Variants in TRPM3 observed in about 807,000 individuals in gnomAD.
The protein encoded by TRPM3 is transient receptor potential cation channel subfamily M member 3.
Under a neutral mutation model 181.2 loss-of-function variants are expected in TRPM3, and 77 were observed. That is an observed-to-expected ratio of 0.42 (90% CI 0.35 to 0.51). TRPM3 has a LOEUF of 0.51. Among genes scored for constraint, TRPM3 ranks in the 20% least tolerant of loss-of-function variants. TRPM3 has a pLI of 0.01. For synonymous variants in TRPM3, 745 were observed against 796.4 expected, an observed-to-expected ratio of 0.94 and a Z score of 1.09; for missense variants, 1,759 against 2,196.7, an observed-to-expected ratio of 0.80 and a Z score of 3.98.
chr9:70,775,829 A>AT (rs2081257322), intron 7 of TRPM3: 1 of 152,020 alleles, frequency 6.6e-6, no homozygotes, highest in African/African-American at 2.4e-5. Flanking sequence ...TAAAAAATGC[A>AT]TATCTAATTG....
At chr9:70,902,424 G>C (rs368528518) in intron 1 of TRPM3, among the ~76,000 whole-genome samples, 3 of 152,180 alleles carry the variant, frequency 2.0e-5, no homozygotes, top group Non-Finnish European at 2.9e-5. Flanking sequence ...AACTGCTTAA[G>C]ATTTATCTTA....
intron 22 of TRPM3, among the ~76,000 whole-genome samples, chr9:70,561,863 A>G (rs1354594261): frequency 6.6e-6 from 1 of 152,212 alleles, no homozygotes; most frequent in African/African-American, 2.4e-5. Context: ...ATAGTAAGGG[A>G]TGACACTGTC....
At chr9:71,036,573 A>G (rs1455293517) in intron 1 of TRPM3, among the ~76,000 whole-genome samples, 2 of 152,324 alleles carry the variant, frequency 1.3e-5, no homozygotes, top group East Asian at 1.9e-4. Context: ...TTCATTACCC[A>G]TTTGTTGGCA....
chr9:71,006,796 G>A lies in TRPM3; in HGVS notation c.177+114382C>T, dbSNP rs568220020. Reference sequence around the variant, plus strand: ...TGAGGCAGGAGAATGGCGTGAACCCGGGAGGCGGAGCTTGCAGTGAGCCGA... The same window carrying A: ...TGAGGCAGGAGAATGGCGTGAACCCAGGAGGCGGAGCTTGCAGTGAGCCGA... On this transcript the variant is annotated intron_variant, in intron 1 of 25. Transcript: ENST00000677713. Among the ~76,000 whole-genome samples the A allele has an allele frequency of 5.1e-3, 762 of 150,486 alleles. 6 individuals are homozygous for A. Among genetic ancestry groups the A allele is most frequent in the Non-Finnish European group, 7.2e-3 (485 of 67,616 alleles).
At chr9:71,214,564 G>A (rs2079726049) in intron 1 of TRPM3, among the ~76,000 whole-genome samples, 1 of 152,004 alleles carries the variant, frequency 6.6e-6, no homozygotes. Flanking sequence ...TCTCTATGAT[G>A]GCTCCATTCA....
chr9:70,846,130 T>G (rs2094942689), intron 4 of TRPM3, among the ~76,000 whole-genome samples: 1 of 152,344 alleles, frequency 6.6e-6, no homozygotes, highest in Non-Finnish European at 1.5e-5. Context: ...TTAGTCATGT[T>G]TATGAATTCT....
At chr9:71,244,113 T>C (rs1307100555) in intron 1 of TRPM3, among the ~76,000 whole-genome samples, 7 of 152,102 alleles carry the variant, frequency 4.6e-5, no homozygotes, top group African/African-American at 1.7e-4. Context: ...GTGAAGATAC[T>C]AGAAGTGGGA....
intron 1 of TRPM3, among the ~76,000 whole-genome samples, chr9:71,078,323 A>C (rs1401710039): frequency 2.0e-5 from 3 of 152,198 alleles, no homozygotes; most frequent in Admixed American, 2.0e-4. Flanking sequence ...AAATAAAGGA[A>C]GATGCAGAAC....
chr9:70,592,878 C>T (rs969932168), intron 21 of TRPM3, among the ~76,000 whole-genome samples: 4 of 151,988 alleles, frequency 2.6e-5, no homozygotes, highest in African/African-American at 9.7e-5. Context: ...TTCAGGTGTG[C>T]ACCACCATGC....
At chr9:71,393,990 C>T (rs1554889960) in intron 1 of TRPM3, among the ~76,000 whole-genome samples, 1 of 151,662 alleles carries the variant, frequency 6.6e-6, no homozygotes, top group Non-Finnish European at 1.5e-5. Flanking sequence ...CTTTACAATA[C>T]AGAAAAAAAA....
intron 1 of TRPM3, among the ~76,000 whole-genome samples, chr9:71,274,250 T>A (rs558817347): frequency 1.3e-5 from 2 of 152,314 alleles, no homozygotes; most frequent in East Asian, 3.9e-4. Flanking sequence ...GGGAAAAACA[T>A]CTACTCTACA....
chr9:70,917,289 G>C (rs866943381), intron 1 of TRPM3: 2 of 1,389,552 alleles, frequency 1.4e-6, no homozygotes, highest in Non-Finnish European at 1.0e-6. Flanking sequence ...ATTAGGAAGC[G>C]AAAGTGGTAT....
At position 70,865,050 on chromosome 9, in the gene TRPM3, G is replaced by T. The variant is rs75237586; in HGVS notation, c.178-539C>A. 2.4e-4 allele frequency among the ~76,000 whole-genome samples: 36 copies of T among 150,594 alleles called. 1 individual carries two copies. In the South Asian group the frequency reaches 6.6e-3, roughly 27 times the overall value. ...CAGTGCTAAGTACAGGGGGGTTGGG[G>T]GGGGGGAGGAAAATAAAAGCATGAG... On this transcript the variant is annotated intron_variant, in intron 1 of 25. Transcript: ENST00000677713.
At chr9:70,636,090 G>A (rs1400068916) in intron 11 of TRPM3, among the ~76,000 whole-genome samples, 1 of 152,128 alleles carries the variant, frequency 6.6e-6, no homozygotes, top group Non-Finnish European at 1.5e-5. Flanking sequence ...AGACTTTGTG[G>A]GTCACACGGT....
chr9:71,023,941 T>C (rs2097867700), intron 1 of TRPM3, among the ~76,000 whole-genome samples: 1 of 152,130 alleles, frequency 6.6e-6, no homozygotes, highest in Admixed American at 6.6e-5. Flanking sequence ...TACATGAACA[T>C]ACACATGATA....
chr9:70,546,496 G>C (rs1166697934), intron 25 of TRPM3, among the ~76,000 whole-genome samples: 2 of 152,176 alleles, frequency 1.3e-5, no homozygotes, highest in Non-Finnish European at 2.9e-5. Context: ...CATGTTTCCT[G>C]AGGACTGAGG....
At chr9:71,341,021 C>T (rs572378136) in intron 1 of TRPM3, among the ~76,000 whole-genome samples, 1 of 152,138 alleles carries the variant, frequency 6.6e-6, no homozygotes, top group African/African-American at 2.4e-5. Flanking sequence ...TTGGAACATC[C>T]TGTGCATTAA....
chr9:71,234,627 C>G (rs1300492263), intron 1 of TRPM3, among the ~76,000 whole-genome samples: 2 of 152,120 alleles, frequency 1.3e-5, no homozygotes, highest in African/African-American at 4.8e-5. Flanking sequence ...GTTTCTGTAT[C>G]CTAATCTCTT....
At chr9:71,146,383 G>A (rs1054031461) in intron 1 of TRPM3, among the ~76,000 whole-genome samples, 1 of 152,072 alleles carries the variant, frequency 6.6e-6, no homozygotes, top group African/African-American at 2.4e-5. Context: ...TGTCAAAGAC[G>A]AAATTTTGAA....
Sources: gnomAD v4.1 joint callset for allele counts (sites outside exome capture counted in the v4.1 genomes callset) on GRCh38, gnomAD v4.1.1 for gene constraint, MANE v1.5 for transcripts, NCBI Gene and HGNC (gene_info 2026-07-23, HGNC 2026-07-21) for gene names.